ZNF577: variants seen among roughly 807,000 people sequenced by gnomAD.
ZNF577 encodes the protein zinc finger protein 577.
A neutral mutation model predicts 13.9 loss-of-function variants in ZNF577; 14 were observed. The observed-to-expected ratio is 1.00, with a 90% CI of 0.66 to 1.57. The LOEUF (loss-of-function observed/expected upper bound fraction) is 1.57. Ranked by LOEUF, ZNF577 falls within the 40% of genes most tolerant of loss-of-function variation. The pLI, the probability that ZNF577 is intolerant of heterozygous loss-of-function variation, is 0.00. For synonymous variants in ZNF577, 203 were observed against 202.9 expected (o/e 1.00, Z 0.00); for missense variants, 555 against 579.2 (o/e 0.96, Z 0.43).
chr19:51,856,754 G>T (rs1219257615), intron 5 of ZNF577, among the ~76,000 whole-genome samples: 2 of 152,126 alleles, frequency 1.3e-5, no homozygotes, highest in African/African-American at 4.8e-5. Flanking sequence ...TCAAGATCGG[G>T]GGGCTGAGGG....
chr19:51,805,334 C>G (rs1471703168), intron 10 of ZNF577: 1 of 152,166 alleles, frequency 6.6e-6, no homozygotes, highest in Admixed American at 6.5e-5. Flanking sequence ...TTAGATAGGT[C>G]CAAGGGTTGA....
In ZNF577 at chr19:51,872,888, C is replaced by T. The variant is rs747265955; in HGVS notation, c.1102G>A (p.Val368Ile). Residue 368 changes from valine to isoleucine, a missense_variant, in exon 6 of 6, where the codon GTC becomes ATC. By Grantham distance (29) the Val-to-Ile change is conservative. Coordinates refer to ENST00000638348, the MANE Select transcript of ZNF577 (RefSeq NM_001370449.1). ...ECGKAFAHMS[V>I]LIKHEKTHIR... ...TGAGTTTTCTCATGTTTAATGAGGA[C>T]TGACATGTGGGCAAAGGCTTTGCCA... 6 of 1,614,086 alleles carry T rather than the reference C, an allele frequency of 3.7e-6. No homozygotes were observed. Among genetic ancestry groups the T allele is most frequent in the Non-Finnish European group, 4.2e-6 (5 of 1,180,044 alleles).
In ZNF577 at chr19:51,868,840, C is replaced by T. The variant is rs1267330263; in HGVS notation, c.*3692G>A. On this transcript the variant is annotated 3_prime_UTR_variant, in exon 6 of 6. Coordinates refer to ENST00000638348, the MANE Select transcript of ZNF577 (RefSeq NM_001370449.1). ...GATGCTGTTAATCTGTAACCCTAGC[C>T]TCAACCCTGTGCTCGCAGAAACATG... is the stretch of plus-strand genomic sequence containing the variant. 6.6e-6 allele frequency among the ~76,000 whole-genome samples: 1 copy of T among 152,208 alleles called. No individual in the cohort carries two copies. Among genetic ancestry groups the T allele is most frequent in the Admixed American group, 6.5e-5 (1 of 15,284 alleles).
At chr19:51,874,900 C>G (rs965153114) in intron 5 of ZNF577, among the ~76,000 whole-genome samples, 1 of 152,042 alleles carries the variant, frequency 6.6e-6, no homozygotes, top group Non-Finnish European at 1.5e-5. Context: ...AGCAGAAAAG[C>G]GAAGAATTGA....
chr19:51,885,564 T>C (rs2084932116), intron 1 of ZNF577, among the ~76,000 whole-genome samples: 1 of 152,106 alleles, frequency 6.6e-6, no homozygotes. Flanking sequence ...TAGGCTGGAG[T>C]GCAATGGCAT....
intron 1 of ZNF577, among the ~76,000 whole-genome samples, chr19:51,882,992 AATTT>A (rs1304718099): frequency 2.7e-5 from 4 of 147,012 alleles, no homozygotes; most frequent in African/African-American, 7.8e-5. Flanking sequence ...TTTTAAAAAA[AATTT>A]TTTTTTTTTT....
intron 8 of ZNF577, among the ~76,000 whole-genome samples, chr19:51,841,160 AG>A (rs1380753893): frequency 5.3e-5 from 8 of 152,192 alleles, no homozygotes; most frequent in Admixed American, 4.6e-4. Flanking sequence ...AGAAAGTGCA[AG>A]GAACACCACT....
chr19:51,823,731 T>C (rs779630767), intron 9 of ZNF577: 9 of 1,550,286 alleles, frequency 5.8e-6, no homozygotes, highest in Non-Finnish European at 7.8e-6. Flanking sequence ...ATTGCTGAAA[T>C]GTTTCAGGTG....
chr19:51,852,584 A>C (rs1340883466), intron 5 of ZNF577, among the ~76,000 whole-genome samples: 1 of 142,106 alleles, frequency 7.0e-6, no homozygotes, highest in Non-Finnish European at 1.5e-5. Context: ...GACAGGGCAG[A>C]TTCTAGGTCT....
chr19:51,878,925 A>G (rs2084812793), intron 3 of ZNF577: 1 of 160,748 alleles, frequency 6.2e-6, no homozygotes. Context: ...CAAAAAATTA[A>G]GCTCCCAAAT....
chr19:51,853,370 GACA>G (rs57119016), intron 5 of ZNF577, among the ~76,000 whole-genome samples: 50,128 of 151,762 alleles, frequency 0.33, 8,561 homozygotes, highest in South Asian at 0.53. Flanking sequence ...TCCCAATAGG[GACA>G]ACAAGTTTTG....
rs2084705463 is a variant in ZNF577, at chr19:51,873,664, T to C, written c.326A>G (p.Asp109Gly). 1 of 1,613,570 alleles carries C rather than the reference T, an allele frequency of 6.2e-7. No individual in the cohort carries two copies. The highest frequency in any genetic ancestry group is 8.5e-7 in the Non-Finnish European group (1 of 1,179,762). ...QSRRYAGKDS[D>G]AFGGYGRSCL... ...TGATCTCCCATATCCACCAAATGCA[T>C]CAGAATCTTTTCCTGCATATCTTCT... Residue 109 changes from aspartate to glycine, a missense_variant, in exon 6 of 6, where the codon GAT (aspartate) becomes GGT (glycine). Physicochemically the swap from Asp to Gly is moderately conservative, Grantham distance 94. Coordinates refer to ENST00000638348, the MANE Select transcript of ZNF577 (RefSeq NM_001370449.1).
chr19:51,806,741 C>T (rs1316246401), intron 10 of ZNF577, among the ~76,000 whole-genome samples: 1 of 152,174 alleles, frequency 6.6e-6, no homozygotes, highest in South Asian at 2.1e-4. Flanking sequence ...CAGACAATGT[C>T]GCTGTACATG....
At chr19:51,828,651 T>C (rs2084244312) in intron 9 of ZNF577, among the ~76,000 whole-genome samples, 1 of 152,222 alleles carries the variant, frequency 6.6e-6, no homozygotes, top group Non-Finnish European at 1.5e-5. Context: ...TGAGATTTTT[T>C]TTTTAAAGTT....
intron 9 of ZNF577, among the ~76,000 whole-genome samples, chr19:51,830,273 T>A (rs1274312327): frequency 6.6e-6 from 1 of 152,190 alleles, no homozygotes; most frequent in Non-Finnish European, 1.5e-5. Flanking sequence ...CATCAGCATA[T>A]ACATCTGTTC....
At chr19:51,855,577 G>C (rs1384597185) in intron 5 of ZNF577, among the ~76,000 whole-genome samples, 1 of 152,068 alleles carries the variant, frequency 6.6e-6, no homozygotes, top group Admixed American at 6.6e-5. Flanking sequence ...GAATATGTCA[G>C]AGTATTTAAG....
chr19:51,822,706 C>G (rs1028939514), intron 9 of ZNF577, among the ~76,000 whole-genome samples: 9 of 152,166 alleles, frequency 5.9e-5, no homozygotes, highest in African/African-American at 2.2e-4. Flanking sequence ...CAAATACTAG[C>G]TAAATATTCA....
chr19:51,823,779 GAAACTGAGGAGGTGCTCCCT>G (rs1466078397), intron 9 of ZNF577: 1 of 1,605,450 alleles, frequency 6.2e-7, no homozygotes, highest in East Asian at 2.2e-5. Flanking sequence ...TCCTCTGAAT[GAAACTGAGGAGGTGCTCCCT>G]GAGCCTGCTG....
At chr19:51,857,408 AAGAAAGAAAGAAAG>A (rs1568442226) in intron 5 of ZNF577, among the ~76,000 whole-genome samples, 4 of 124,960 alleles carry the variant, frequency 3.2e-5, no homozygotes, top group Admixed American at 1.6e-4. Context: ...GAAAGAAAGA[AAGAAAGAAAGAAAG>A]AAAGAAAAGA....
Sources: gnomAD v4.1 joint callset for allele counts (sites outside exome capture counted in the v4.1 genomes callset) on GRCh38, gnomAD v4.1.1 for gene constraint, MANE v1.5 for transcripts, NCBI Gene and HGNC (gene_info 2026-07-23, HGNC 2026-07-21) for gene names.